The following RBM47 variants were observed in gnomAD, a reference collection of about 807,000 sequenced individuals.
RBM47 encodes the protein RNA binding motif protein 47, also known as RNA-binding protein 47.
Under a neutral mutation model 47.1 loss-of-function variants are expected in RBM47, and 21 were observed. That is an observed-to-expected ratio of 0.45 (90% CI 0.32 to 0.64). The LOEUF is 0.64. RBM47 is among the 30% of genes least tolerant of loss of function. RBM47 has a pLI of 0.05. For missense variants in RBM47, 708 were observed against 870.9 expected (o/e 0.81, Z 2.35); for synonymous variants, 375 against 361.7 (o/e 1.04, Z -0.42).
chr4:40,616,451 AT>A (rs941711026), intron 1 of RBM47, among the ~76,000 whole-genome samples: 19 of 151,516 alleles, frequency 1.3e-4, no homozygotes, highest in African/African-American at 4.9e-5. Context: ...ATGCGCAATC[AT>A]TTTTTTTAGA....
intron 2 of RBM47, among the ~76,000 whole-genome samples, chr4:40,508,590 C>G (rs1724442402): frequency 1.3e-5 from 2 of 152,098 alleles, no homozygotes; most frequent in African/African-American, 2.4e-5. Flanking sequence ...AGTGAGAGGC[C>G]AGATACAAAA....
At chr4:40,448,268 TGTGTGTGTGTGAGTGTGA>T (rs1714856819) in intron 3 of RBM47, among the ~76,000 whole-genome samples, 1 of 143,184 alleles carries the variant, frequency 7.0e-6, no homozygotes, top group African/African-American at 3.0e-5. Context: ...ACTGTGAGAG[TGTGTGTGTGTGAGTGTGA>T]GTGTGTGTGT....
rs148223847 is a variant in RBM47 at position 40,536,905 on chromosome 4, T to C, written c.-155+7517A>G. ...CACGCCAGGCTAAGTTTTTGTATTT[T>C]TAGTAGAGATGAGGGGTTTCACCAT... is the stretch of plus-strand genomic sequence containing the variant. On this transcript the variant is annotated intron_variant, in intron 2 of 6. Transcript: ENST00000295971. 2.0e-4 allele frequency among the ~76,000 whole-genome samples: 30 copies of C among 152,068 alleles called. No individual in the cohort carries two copies. In the East Asian group the frequency reaches 4.6e-3, roughly 24 times the overall value.
chr4:40,541,390 C>T (rs928362872), intron 2 of RBM47, among the ~76,000 whole-genome samples: 2 of 152,102 alleles, frequency 1.3e-5, no homozygotes, highest in Non-Finnish European at 2.9e-5. Context: ...TTTCTGCATC[C>T]GTCAGTTCAG....
intron 1 of RBM47, among the ~76,000 whole-genome samples, chr4:40,603,479 C>A (rs895243440): frequency 6.6e-6 from 1 of 152,088 alleles, no homozygotes; most frequent in Non-Finnish European, 1.5e-5. Context: ...GGAGTGGAAT[C>A]ACTGAGTTAT....
chr4:40,450,271 T>C (rs745353766), intron 3 of RBM47, among the ~76,000 whole-genome samples: 10 of 152,150 alleles, frequency 6.6e-5, no homozygotes, highest in Non-Finnish European at 1.3e-4. Context: ...TAACACTAGC[T>C]TGAATTCATA....
chr4:40,476,545 T>C (rs923835835), intron 2 of RBM47, among the ~76,000 whole-genome samples: 5 of 152,058 alleles, frequency 3.3e-5, no homozygotes, highest in Non-Finnish European at 5.9e-5. Context: ...GCAGGATTTA[T>C]GGTAATAAAA....
At chr4:40,561,254 G>A (rs62304575) in intron 1 of RBM47, among the ~76,000 whole-genome samples, 34,996 of 138,124 alleles carry the variant, frequency 0.25, 5,622 homozygotes, top group African/African-American at 0.46. Context: ...TTTTTGAGAC[G>A]GAGTTTCACT....
intron 1 of RBM47, among the ~76,000 whole-genome samples, chr4:40,586,592 C>G (rs1053367470): frequency 2.0e-5 from 3 of 149,708 alleles, no homozygotes; most frequent in African/African-American, 7.4e-5. Flanking sequence ...GTTAATTCCA[C>G]CCCAAGCATC....
chr4:40,462,894 A>G (rs551622699), intron 3 of RBM47, among the ~76,000 whole-genome samples: 10 of 152,202 alleles, frequency 6.6e-5, no homozygotes, highest in Non-Finnish European at 1.5e-4. Context: ...GGATTTGGCA[A>G]TGATTTTTTG....
At chr4:40,608,660 A>T (rs1234543621) in intron 1 of RBM47, among the ~76,000 whole-genome samples, 1 of 152,224 alleles carries the variant, frequency 6.6e-6, no homozygotes, top group African/African-American at 2.4e-5. Context: ...ATGCTGGACA[A>T]ACTGCAAATC....
chr4:40,459,628 T>TG (rs1716803950), intron 3 of RBM47, among the ~76,000 whole-genome samples: 1 of 152,190 alleles, frequency 6.6e-6, no homozygotes, highest in African/African-American at 2.4e-5. Context: ...CATATAGAAC[T>TG]GGGTACAAAT....
At chr4:40,514,306 T>TC (rs1443578314) in intron 2 of RBM47, among the ~76,000 whole-genome samples, 2 of 151,976 alleles carry the variant, frequency 1.3e-5, no homozygotes, top group African/African-American at 4.8e-5. Context: ...TACACACATG[T>TC]CCCTCTAGCA....
At chr4:40,433,998 C>CGGGGG (rs138012744) in intron 5 of RBM47, among the ~76,000 whole-genome samples, 5 of 42,090 alleles carry the variant, frequency 1.2e-4, no homozygotes, top group African/African-American at 3.8e-4. Context: ...GTGTGTGGGG[C>CGGGGG]GGGGGTGTGT....
At chr4:40,576,612 G>C (rs1298476664) in intron 1 of RBM47, among the ~76,000 whole-genome samples, 1 of 152,098 alleles carries the variant, frequency 6.6e-6, no homozygotes, top group African/African-American at 2.4e-5. Flanking sequence ...CTATCGCCCA[G>C]GCTGGAGTGC....
chr4:40,524,888 C>G (rs1265078846), intron 2 of RBM47, among the ~76,000 whole-genome samples: 1 of 152,152 alleles, frequency 6.6e-6, no homozygotes, highest in East Asian at 1.9e-4. Flanking sequence ...CTGTACCAAC[C>G]AAAACAAATG....
chr4:40,602,392 G>A (rs1459537158), intron 1 of RBM47, among the ~76,000 whole-genome samples: 1 of 152,136 alleles, frequency 6.6e-6, no homozygotes, highest in Non-Finnish European at 1.5e-5. Flanking sequence ...GCTCACGCCT[G>A]TAATCCCAGC....
intron 1 of RBM47, among the ~76,000 whole-genome samples, chr4:40,545,194 G>T (rs1294987218): frequency 1.3e-5 from 2 of 151,362 alleles, no homozygotes; most frequent in Non-Finnish European, 2.9e-5. Flanking sequence ...TGGGATTACA[G>T]GCATGCCCCA....
intron 3 of RBM47, among the ~76,000 whole-genome samples, chr4:40,456,466 A>C (rs949757199): frequency 5.9e-5 from 9 of 151,996 alleles, no homozygotes; most frequent in African/African-American, 1.9e-4. Context: ...GAGAATTTAT[A>C]GATATATATT....
Sources: gnomAD v4.1 joint callset for allele counts (sites outside exome capture counted in the v4.1 genomes callset) on GRCh38, gnomAD v4.1.1 for gene constraint, MANE v1.5 for transcripts, NCBI Gene and HGNC (gene_info 2026-07-23, HGNC 2026-07-21) for gene names.